The following CCDC7 variants were observed in gnomAD, a reference collection of about 807,000 sequenced individuals.
CCDC7 encodes the protein coiled-coil domain containing 7, also known as coiled-coil domain-containing protein 7.
CCDC7 carries 183 observed loss-of-function variants against 196.9 expected under a neutral mutation model. The observed-to-expected ratio is 0.93, with a 90% CI of 0.82 to 1.05. The LOEUF is 1.05. CCDC7 is among the 50% of genes least tolerant of loss of function. The probability of loss-of-function intolerance (pLI) is 0.00; values close to 1 mark genes in which losing one functional copy is unlikely to be tolerated. For synonymous variants in CCDC7, 525 were observed against 484.6 expected (o/e 1.08, Z -1.10); for missense variants, 1,540 against 1,482.2 (o/e 1.04, Z -0.64).
chr10:32,724,149 C>T (rs938851310), intron 25 of CCDC7, among the ~76,000 whole-genome samples: 10 of 152,116 alleles, frequency 6.6e-5, no homozygotes, highest in African/African-American at 1.9e-4. Flanking sequence ...AAAGCACTCC[C>T]AGGGCCCACA....
intron 11 of CCDC7, among the ~76,000 whole-genome samples, chr10:32,522,186 C>T (rs1161796192): frequency 6.6e-6 from 1 of 152,084 alleles, no homozygotes; most frequent in African/African-American, 2.4e-5. Context: ...TAATGCTGGT[C>T]TTGTAGAATG....
intron 41 of CCDC7, among the ~76,000 whole-genome samples, chr10:32,860,370 A>G (rs1481962233): frequency 1.3e-5 from 2 of 152,218 alleles, no homozygotes; most frequent in Admixed American, 6.5e-5. Flanking sequence ...ACAGCCCTTC[A>G]TGCTAAAAAC....
intron 16 of CCDC7, among the ~76,000 whole-genome samples, chr10:32,577,229 G>A (rs1025192715): frequency 4.6e-5 from 7 of 151,978 alleles, no homozygotes; most frequent in African/African-American, 1.5e-4. Context: ...GGGCATGGTC[G>A]TGCGCGCCTG....
chr10:32,678,285 A>T (rs1463194491), intron 21 of CCDC7, among the ~76,000 whole-genome samples: 2 of 152,176 alleles, frequency 1.3e-5, no homozygotes, highest in Admixed American at 1.3e-4. Context: ...GCATCAACAG[A>T]GCATCCCGTG....
chr10:32,563,227 A>G (rs1446238117), intron 13 of CCDC7, among the ~76,000 whole-genome samples: 1 of 152,188 alleles, frequency 6.6e-6, no homozygotes, highest in Non-Finnish European at 1.5e-5. Context: ...ATACTGCCCA[A>G]GGTAATTTAT....
At chr10:32,655,685 T>C (rs1028058106) in intron 20 of CCDC7, among the ~76,000 whole-genome samples, 4 of 151,970 alleles carry the variant, frequency 2.6e-5, no homozygotes, top group East Asian at 1.9e-4. Flanking sequence ...GCCACCCAAG[T>C]AGTGCGTGCC....
intron 24 of CCDC7, among the ~76,000 whole-genome samples, chr10:32,704,340 G>A (rs7079041): frequency 0.45 from 68,469 of 151,846 alleles, 16,317 homozygotes; most frequent in East Asian, 0.58. Flanking sequence ...GGTGATCAGC[G>A]AATGTTGCTG....
intron 3 of CCDC7, among the ~76,000 whole-genome samples, chr10:32,460,789 G>C (rs1049846514): frequency 6.6e-6 from 1 of 152,058 alleles, no homozygotes; most frequent in Non-Finnish European, 1.5e-5. Flanking sequence ...ATCACCTGCA[G>C]GTCTAGTTAC....
At chr10:32,475,729 CTG>C (rs1158556866) in intron 8 of CCDC7, among the ~76,000 whole-genome samples, 2 of 152,096 alleles carry the variant, frequency 1.3e-5, no homozygotes, top group Non-Finnish European at 1.5e-5. Context: ...AAAGTACCTC[CTG>C]TCTTCTTCTC....
chr10:32,860,682 A>G (rs1323133779), intron 41 of CCDC7, among the ~76,000 whole-genome samples: 1 of 152,190 alleles, frequency 6.6e-6, no homozygotes, highest in Non-Finnish European at 1.5e-5. Flanking sequence ...CTAGGCCCCA[A>G]ATCTCCTTAA....
At chr10:32,701,460 A>G (rs1241346934) in intron 24 of CCDC7, among the ~76,000 whole-genome samples, 1 of 152,076 alleles carries the variant, frequency 6.6e-6, no homozygotes, top group African/African-American at 2.4e-5. Context: ...TTCATCAGGG[A>G]TATTGGTCTA....
At chr10:32,779,976 A>G (rs2080779144) in intron 29 of CCDC7, among the ~76,000 whole-genome samples, 2 of 152,226 alleles carry the variant, frequency 1.3e-5, no homozygotes, top group Non-Finnish European at 2.9e-5. Context: ...GCAGTGGCTC[A>G]CGCCTGTAAT....
chr10:32,523,026 C>T (rs769512858), intron 11 of CCDC7, among the ~76,000 whole-genome samples: 31 of 150,582 alleles, frequency 2.1e-4, no homozygotes, highest in Non-Finnish European at 3.8e-4. Context: ...AGGGAAGATG[C>T]TTGATATTAT....
chr10:32,815,827 AGGCTGT>A (rs1161264032), intron 31 of CCDC7, among the ~76,000 whole-genome samples: 2 of 152,230 alleles, frequency 1.3e-5, no homozygotes, highest in Non-Finnish European at 2.9e-5. Context: ...GAAGTCCAGA[AGGCTGT>A]GGTGTTGTAT....
Position 32,454,946 on chromosome 10 carries a change from C to T in CCDC7, c.373-1305C>T, listed in dbSNP as rs142849461. On this transcript the variant is annotated intron_variant, in intron 2 of 41. Transcript: ENST00000639629. ...GTCCGAAATCCTCCTTGTGCCCTTACTTACCCAGCTTAAATAGCATGGTCC... is the reference window on the plus strand; with the variant it reads ...GTCCGAAATCCTCCTTGTGCCCTTATTTACCCAGCTTAAATAGCATGGTCC... Among the ~76,000 whole-genome samples the T allele has an allele frequency of 1.3e-3, 200 of 152,310 alleles. 1 individual carries two copies. The highest frequency in any genetic ancestry group is 2.5e-3 in the Non-Finnish European group (168 of 68,030).
intron 28 of CCDC7, among the ~76,000 whole-genome samples, chr10:32,775,831 C>T (rs1349868655): frequency 1.3e-5 from 2 of 151,620 alleles, no homozygotes; most frequent in South Asian, 2.1e-4. Flanking sequence ...CACATGCACA[C>T]GTATATTTAT....
intron 29 of CCDC7, among the ~76,000 whole-genome samples, chr10:32,804,233 T>C (rs1194417582): frequency 6.6e-6 from 1 of 152,142 alleles, no homozygotes; most frequent in Non-Finnish European, 1.5e-5. Flanking sequence ...CTAACATAAA[T>C]TCCTCCTTAA....
intron 13 of CCDC7, among the ~76,000 whole-genome samples, chr10:32,556,664 A>G (rs1199437949): frequency 6.6e-6 from 1 of 152,174 alleles, no homozygotes; most frequent in Non-Finnish European, 1.5e-5. Context: ...CAAGATTTCT[A>G]AACTTATTCT....
intron 20 of CCDC7, among the ~76,000 whole-genome samples, chr10:32,636,838 C>T (rs893898263): frequency 7.9e-5 from 12 of 152,170 alleles, no homozygotes; most frequent in African/African-American, 2.7e-4. Flanking sequence ...AGTTTACAGT[C>T]CCACCAACAG....
Sources: allele counts gnomAD v4.1 joint callset (sites outside exome capture counted in the v4.1 genomes callset), GRCh38; gene constraint gnomAD v4.1.1; transcripts MANE v1.5; gene names NCBI Gene and HGNC (gene_info 2026-07-23, HGNC 2026-07-21).